Variants in F11R observed in about 807,000 individuals in gnomAD.
The protein encoded by F11R is F11 receptor.
In F11R, 27 loss-of-function variants were observed where a neutral mutation model predicts 39.3. The observed-to-expected ratio is 0.69, with a 90% CI of 0.51 to 0.95. The LOEUF is 0.95. Ranked by LOEUF, F11R falls within the 40% of genes least tolerant of loss-of-function variation. The probability of loss-of-function intolerance (pLI) is 0.00; values close to 1 mark genes in which losing one functional copy is unlikely to be tolerated. For synonymous variants in F11R, 131 were observed against 144.9 expected (o/e 0.90, Z 0.69); for missense variants, 335 against 372.7 (o/e 0.90, Z 0.83).
intron 1 of F11R, among the ~76,000 whole-genome samples, chr1:161,008,950 G>A (rs1648976974): frequency 6.6e-6 from 1 of 152,126 alleles, no homozygotes; most frequent in Non-Finnish European, 1.5e-5. Flanking sequence ...CCACCAGGAA[G>A]TGCTGGAAGA....
chr1:161,020,641 C>T (rs567210864), intron 1 of F11R, among the ~76,000 whole-genome samples: 2 of 152,350 alleles, frequency 1.3e-5, no homozygotes, highest in South Asian at 4.1e-4. Context: ...GTTGGAGGGG[C>T]AGGCTGGCCC....
rs962619708 is a variant in F11R, at chr1:160,997,605, G to A, written c.*1266C>T. The A allele has an allele frequency of 6.5e-6, 1 of 152,770 alleles. No homozygotes were observed. Among genetic ancestry groups the A allele is most frequent in the African/African-American group, 2.4e-5 (1 of 41,452 alleles). The allele number at this position is 152,770 out of a possible 1,614,324, so 9.5% of individuals were successfully genotyped here. On this transcript the variant is annotated 3_prime_UTR_variant, in exon 10 of 10. Coordinates refer to ENST00000368026, the MANE Select transcript of F11R (RefSeq NM_016946.6). ...CTGGGAACCAGCCCCAGGTTGCTGG[G>A]AAGCAAGGCTTTGAGGCATTTTCCT... is the stretch of plus-strand genomic sequence containing the variant.
At chr1:161,019,579 G>C (rs957911389) in intron 1 of F11R, among the ~76,000 whole-genome samples, 3 of 142,162 alleles carry the variant, frequency 2.1e-5, no homozygotes, top group African/African-American at 7.9e-5. Context: ...TGGGCAACAA[G>C]CGAAACTCTA....
chr1:161,014,774 T>A (rs1649355021), intron 1 of F11R, among the ~76,000 whole-genome samples: 1 of 151,724 alleles, frequency 6.6e-6, no homozygotes, highest in Non-Finnish European at 1.5e-5. Flanking sequence ...ACCCTATCTC[T>A]ACTAAAAATA....
At chr1:161,012,600 T>TTTTA (rs10649944) in intron 1 of F11R, among the ~76,000 whole-genome samples, 73,760 of 143,942 alleles carry the variant, frequency 0.51, 19,998 homozygotes, top group East Asian at 0.59. Context: ...AATTAATTAA[T>TTTTA]TTTATTTATT....
chr1:161,009,545 G>C (rs578126567), intron 1 of F11R, among the ~76,000 whole-genome samples: 1 of 151,754 alleles, frequency 6.6e-6, no homozygotes, highest in Non-Finnish European at 1.5e-5. Flanking sequence ...AAATTACTAC[G>C]TACCTGAATA....
At chr1:161,005,167 A>AAATAATAATAAT (rs71090350) in intron 1 of F11R, among the ~76,000 whole-genome samples, 11,062 of 145,040 alleles carry the variant, frequency 0.076, 563 homozygotes, top group Non-Finnish European at 0.11. Context: ...CTCAAAAATA[A>AAATAATAATAAT]AATAATAATA....
rs759616487 is a variant in F11R at position 161,001,349 on chromosome 1, G to A, written c.69C>T (p.Ser23=). The A allele has an allele frequency of 5.0e-6, 8 of 1,613,808 alleles. No individual in the cohort carries two copies. Among genetic ancestry groups the A allele is most frequent in the Non-Finnish European group, 6.8e-6 (8 of 1,179,800 alleles). The change falls in exon 2 of 10, where the codon TCC becomes TCT. Residue 23 remains serine, a synonymous_variant. Transcript: ENST00000368026. The part of the protein sequence containing the change: ...CLFILAILLC[S]LALGSVTVHS... ...GCACTGTAACACTGCCCAATGCCAGGGAGCCTAAGGAGAAAGAAAGAGGTG... is the reference window on the plus strand; with the variant it reads ...GCACTGTAACACTGCCCAATGCCAGAGAGCCTAAGGAGAAAGAAAGAGGTG...
chr1:161,000,049 C>T, intron 5 of F11R, 71 bp from the exon 6 acceptor site: 1 of 1,596,528 alleles, frequency 6.3e-7, no homozygotes, highest in Non-Finnish European at 8.6e-7. Flanking sequence ...CTCTTGACCC[C>T]AGTTCCAAGT....
intron 1 of F11R, among the ~76,000 whole-genome samples, chr1:161,003,121 G>GTTTTTT (rs1240695928): frequency 3.2e-5 from 2 of 61,816 alleles, no homozygotes; most frequent in Admixed American, 1.6e-4. Context: ...GCTAATTTTT[G>GTTTTTT]TATTTTTTTT....
intron 1 of F11R, among the ~76,000 whole-genome samples, chr1:161,014,388 A>G (rs1304651617): frequency 6.6e-6 from 1 of 152,166 alleles, no homozygotes; most frequent in Non-Finnish European, 1.5e-5. Context: ...GATGTATCCT[A>G]ACAGCCAAGG....
chr1:161,015,261 G>C lies in F11R; in HGVS notation c.64+5749C>G, dbSNP rs1486742302. Among the ~76,000 whole-genome samples the C allele has an allele frequency of 2.7e-5, 4 of 150,186 alleles. No homozygotes were observed. The Admixed American group carries it at 2.7e-4, about 10-fold the overall frequency. ...AAAAATACAAAAAATCAGCCGGAGT[G>C]GTGGCGGGCCCCTGTAGTCCCAGCT... On this transcript the variant is annotated intron_variant, in intron 1 of 9. Coordinates refer to ENST00000368026, the MANE Select transcript of F11R (RefSeq NM_016946.6).
At chr1:161,000,053 T>G (rs1337219006) in intron 5 of F11R, 75 bp from the exon 6 acceptor site, 2 of 1,598,812 alleles carry the variant, frequency 1.3e-6, no homozygotes, top group Non-Finnish European at 8.6e-7. Context: ...TGACCCCAGT[T>G]CCAAGTTCAC....
At chr1:161,018,695 G>T (rs67414804) in intron 1 of F11R, among the ~76,000 whole-genome samples, 13,728 of 152,152 alleles carry the variant, frequency 0.09, 866 homozygotes, top group Non-Finnish European at 0.14. Context: ...AGGTATGGTG[G>T]CCCAGCTCCC....
intron 3 of F11R, 51 bp from the exon 4 acceptor site, chr1:161,000,828 G>A (rs1571007363): frequency 6.2e-7 from 1 of 1,609,292 alleles, no homozygotes; most frequent in Non-Finnish European, 8.5e-7. Flanking sequence ...GAGAGCTAAG[G>A]GAGGCTGATG....
Position 161,021,057 on chromosome 1 carries a change from T to A in F11R, c.17A>T (p.Gln6Leu), listed in dbSNP as rs754696486. The A allele has an allele frequency of 1.2e-6, 2 of 1,613,844 alleles. No homozygotes were observed. The highest frequency in any genetic ancestry group is 1.7e-6 in the Non-Finnish European group (2 of 1,179,864). MGTKAQVERKLLCLFI... is the reference protein window; with the variant it reads MGTKALVERKLLCLFI... Reference sequence around the variant, plus strand: ...GAGGCACAACAGTTTCCTCTCGACTTGCGCCTTTGTCCCCATCGCGATCAG... The same window carrying A: ...GAGGCACAACAGTTTCCTCTCGACTAGCGCCTTTGTCCCCATCGCGATCAG... Residue 6 changes from glutamine to leucine, a missense_variant, in exon 1 of 10, where the codon CAA (glutamine) becomes CTA (leucine). By Grantham distance (113) the Gln-to-Leu change is moderately radical. Coordinates refer to ENST00000368026, the MANE Select transcript of F11R (RefSeq NM_016946.6).
chr1:161,017,415 G>A (rs1425974074), intron 1 of F11R, among the ~76,000 whole-genome samples: 1 of 152,212 alleles, frequency 6.6e-6, no homozygotes, highest in African/African-American at 2.4e-5. Context: ...GGGAAAAACC[G>A]CCTTAAGGCT....
chr1:161,021,007 T>C lies in F11R; in HGVS notation c.64+3A>G, dbSNP rs1345246347. On this transcript the variant is annotated splice_donor_region_variant and intron_variant, in intron 1 of 9. Coordinates refer to ENST00000368026, the MANE Select transcript of F11R (RefSeq NM_016946.6). ...GATTCCTCCCGAAACTCTGGGAACTTACACAACAGGATCGCCAATATGAAG... is the reference window on the plus strand; with the variant it reads ...GATTCCTCCCGAAACTCTGGGAACTCACACAACAGGATCGCCAATATGAAG... 6.2e-7 allele frequency: 1 copy of C among 1,613,942 alleles called. No individual in the cohort carries two copies. The highest frequency in any genetic ancestry group is 8.5e-7 in the Non-Finnish European group (1 of 1,179,960).
chr1:161,010,441 C>CAAAAAAAAAAAAAAA (rs1248451719), intron 1 of F11R, among the ~76,000 whole-genome samples: 38 of 80,220 alleles, frequency 4.7e-4, no homozygotes, highest in Non-Finnish European at 7.0e-4. Flanking sequence ...GAGACTCCAT[C>CAAAAAAAAAAAAAAA]AAAAAAAAAA....
Sources: allele counts gnomAD v4.1 joint callset (sites outside exome capture counted in the v4.1 genomes callset), GRCh38; gene constraint gnomAD v4.1.1; transcripts MANE v1.5; gene names NCBI Gene and HGNC (gene_info 2026-07-23, HGNC 2026-07-21).